UNC13D: variants seen among roughly 807,000 people sequenced by gnomAD.
The protein encoded by UNC13D is unc-13 homolog D.
A neutral mutation model predicts 151.7 loss-of-function variants in UNC13D; 115 were observed. The ratio of observed to expected loss-of-function variants is 0.76; its 90% CI spans 0.65 to 0.88. The LOEUF (loss-of-function observed/expected upper bound fraction) is 0.88. Ranked by LOEUF, UNC13D falls within the 40% of genes least tolerant of loss-of-function variation. The pLI, the probability that UNC13D is intolerant of heterozygous loss-of-function variation, is 0.00. For synonymous variants in UNC13D, 588 were observed against 612.2 expected, an observed-to-expected ratio of 0.96 and a Z score of 0.58; for missense variants, 1,369 against 1,438.7, an observed-to-expected ratio of 0.95 and a Z score of 0.78.
chr17:75,841,750 AT>A (rs1212805297), intron 6 of UNC13D, among the ~76,000 whole-genome samples: 3,608 of 111,250 alleles, frequency 0.032, 129 homozygotes, highest in African/African-American at 0.1. Flanking sequence ...GCCCCCACTA[AT>A]TTTTTTTTTT....
intron 12 of UNC13D, 88 bp from the exon 13 acceptor site, chr17:75,837,006 C>CCCTCCTCCAGCGCCCCTGGTGGAGAA (rs142821095): frequency 3.3e-6 from 4 of 1,211,570 alleles, no homozygotes; most frequent in Non-Finnish European, 4.8e-6. Flanking sequence ...GGAATCGCCT[C>CCCTCCTCCAGCGCCCCTGGTGGAGAA]CCATCCACCA....
intron 12 of UNC13D, among the ~76,000 whole-genome samples, chr17:75,838,278 G>C (rs538409072): frequency 2.0e-5 from 3 of 151,492 alleles, no homozygotes; most frequent in Admixed American, 2.0e-4. Context: ...GAGTGCAGTG[G>C]TGTGATCTCA....
At position 75,835,794 on chromosome 17, in the gene UNC13D, T is replaced by C; in HGVS notation, c.1597-17A>G. ...CTTGGCCACCTGCAAAGGAAAGGTG[T>C]GGAGGGCGGGGCCCACAGCTCTGTT... On this transcript the variant is annotated splice_polypyrimidine_tract_variant and intron_variant, in intron 18 of 31. Coordinates refer to ENST00000207549, the MANE Select transcript of UNC13D (RefSeq NM_199242.3). The C allele has an allele frequency of 6.2e-7, 1 of 1,613,904 alleles. No homozygotes were observed. Among genetic ancestry groups the C allele is most frequent in the Non-Finnish European group, 8.5e-7 (1 of 1,179,998 alleles).
rs746042735 is a variant in UNC13D, at chr17:75,839,886, A to T, written c.1008T>A (p.Phe336Leu). ...SLSPQAATVLFLHATQKDLSD... is the reference protein window; with the variant it reads ...SLSPQAATVLLLHATQKDLSD... ...ATAGGTCCTTCTGTGTGGCGTGCAG[A>T]AAGAGGACGGTGGCAGCCTGGGGAC... The change falls in exon 12 of 32, where the codon TTT (phenylalanine) becomes TTA (leucine). Residue 336 changes from phenylalanine (F) to leucine (L), a missense_variant. By Grantham distance (22) the Phe-to-Leu change is conservative (BLOSUM62 0). This residue lies in a region of UNC13D where 550 missense variants were observed against 609.0 expected (regional missense o/e 0.90). Coordinates refer to ENST00000207549, the MANE Select transcript of UNC13D (RefSeq NM_199242.3). 1.9e-6 allele frequency: 3 copies of T among 1,613,884 alleles called. No homozygotes were observed. The highest frequency in any genetic ancestry group is 2.5e-6 in the Non-Finnish European group (3 of 1,179,996).
rs2064949397 is a variant in UNC13D at position 75,841,499 on chromosome 17, T to C, written c.570-498A>G. On this transcript the variant is annotated intron_variant, in intron 6 of 31. Transcript: ENST00000207549. ...CTCTGTCACCCAGGCTGGAGTGCAG[T>C]GGCGTGATCTCGGCTCACTGCAACC... is the stretch of plus-strand genomic sequence containing the variant. Among the ~76,000 whole-genome samples, 4 of 136,400 alleles carry C rather than the reference T, an allele frequency of 2.9e-5. No individual in the cohort carries two copies. The South Asian group carries it at 9.6e-4, about 33-fold the overall frequency. 89.5% of individuals were successfully genotyped at this position (136,400 alleles called of 152,430 possible). A position where few individuals can be genotyped will look rare whatever the true frequency, so the allele number is the denominator to read the frequency against.
rs754802800 is a variant in UNC13D at position 75,829,734 on chromosome 17, G to A, written c.2954+294C>T. 327 of 382,786 alleles carry A rather than the reference G, an allele frequency of 8.5e-4. 1 individual carries two copies. Among genetic ancestry groups the A allele is most frequent in the Non-Finnish European group, 1.4e-3 (287 of 199,328 alleles). 23.7% of individuals were successfully genotyped at this position (382,786 alleles called of 1,614,324 possible). On this transcript the variant is annotated intron_variant, in intron 30 of 31. Coordinates refer to ENST00000207549, the MANE Select transcript of UNC13D (RefSeq NM_199242.3). ...GCCTCCCGAGTAGCTGAGAGTACAG[G>A]TACCCACCATCATGCCCGGCTAATT... is the stretch of plus-strand genomic sequence containing the variant.
In UNC13D at chr17:75,840,484, G is replaced by A; in HGVS notation, c.753+23C>T. ...CCCCCTCCCTCTGCCTCGCTCCTGG[G>A]CCCCTTTCCTCATCCTCCTCACCTG... On this transcript the variant is annotated intron_variant, in intron 9 of 31. Transcript: ENST00000207549. The surrounding 1 kb of genome is among the most constrained non-coding windows in gnomAD (Gnocchi z 4.6). 6.2e-7 allele frequency: 1 copy of A among 1,613,796 alleles called. No homozygotes were observed. Among genetic ancestry groups the A allele is most frequent in the Non-Finnish European group, 8.5e-7 (1 of 1,179,818 alleles).
At chr17:75,842,680 AC>A (rs1180261147) in intron 5 of UNC13D, 67 bp from the exon 6 acceptor site, 1 of 1,604,842 alleles carries the variant, frequency 6.2e-7, no homozygotes. Flanking sequence ...GGCCCTCATC[AC>A]CCCCGCCCGG....
Position 75,834,124 on chromosome 17 carries a change from T to G in UNC13D, c.2318A>C (p.Lys773Thr). 6.2e-7 allele frequency: 1 copy of G among 1,613,776 alleles called. No individual in the cohort carries two copies. Among genetic ancestry groups the G allele is most frequent in the Non-Finnish European group, 8.5e-7 (1 of 1,180,000 alleles). The change falls in exon 24 of 32, where the codon AAG becomes ACG. Residue 773 changes from lysine to threonine, a missense_variant. Lys to Thr is a moderately conservative substitution (Grantham distance 78). Transcript: ENST00000207549. The part of the protein sequence containing the change: ...LAEQLEVGIA[K>T]HIQKLVGVRE... ...GACGCCCACCAGTTTCTGGATGTGC[T>G]TGGCGATGCCCACCTCCAACTGGAG...
At chr17:75,836,506 C>A in intron 14 of UNC13D, 66 bp downstream of exon 14, 2 of 1,612,680 alleles carry the variant, frequency 1.2e-6, no homozygotes, top group Non-Finnish European at 1.7e-6. Context: ...TTCTCCCACT[C>A]CTGCAGGCAC....
intron 12 of UNC13D, among the ~76,000 whole-genome samples, chr17:75,837,856 G>A (rs969491656): frequency 2.0e-5 from 3 of 152,134 alleles, no homozygotes; most frequent in Non-Finnish European, 1.5e-5. Flanking sequence ...ATGGTTTGGG[G>A]GGATATCACA....
At chr17:75,839,219 A>G (rs888331739) in intron 12 of UNC13D, among the ~76,000 whole-genome samples, 5 of 151,786 alleles carry the variant, frequency 3.3e-5, no homozygotes, top group Non-Finnish European at 7.4e-5. Context: ...CTTGACCAAC[A>G]TGGAGAAACC....
chr17:75,837,369 A>AT (rs1192686633), intron 12 of UNC13D, among the ~76,000 whole-genome samples: 3 of 150,702 alleles, frequency 2.0e-5, no homozygotes, highest in Admixed American at 6.6e-5. Context: ...ACCAGCCAGG[A>AT]TTTTTTTTCT....
intron 25 of UNC13D, chr17:75,831,742 C>A: frequency 4.0e-6 from 1 of 248,264 alleles, no homozygotes; most frequent in Non-Finnish European, 8.1e-6. Context: ...GTGGGTGGAT[C>A]AGGAGGTCAA....
rs139282207 is a variant in UNC13D at position 75,835,416 on chromosome 17, A to T, written c.1841T>A (p.Met614Lys). ...ALARVQRAVQMDELVPLGELT... is the reference protein window; with the variant it reads ...ALARVQRAVQKDELVPLGELT... ...CCCTGGCCACGCCCCCACCTCATCC[A>T]TCTGCACAGCGCGCTGCACCCGCGC... is the stretch of plus-strand genomic sequence containing the variant. Residue 614 changes from methionine to lysine, a missense_variant, in exon 20 of 32, where the codon ATG becomes AAG. Physicochemically the swap from Met to Lys is moderately conservative, Grantham distance 95. Transcript: ENST00000207549. The T allele has an allele frequency of 3.7e-6, 6 of 1,611,938 alleles. No individual in the cohort carries two copies. Among genetic ancestry groups the T allele is most frequent in the Non-Finnish European group, 4.2e-6 (5 of 1,179,720 alleles).
Position 75,830,158 on chromosome 17 carries a change from A to G in UNC13D, c.2831-7T>C. 1 of 1,588,318 alleles carries G rather than the reference A, an allele frequency of 6.3e-7. No individual in the cohort carries two copies. Among genetic ancestry groups the G allele is most frequent in the Middle Eastern group, 1.7e-4 (1 of 5,986 alleles). ...ACAAAGGGGTCGCTGGAGCCTGGTA[A>G]GTGGCCGGGGAGTGTGCGTCAGCTG... On this transcript the variant is annotated splice_region_variant and splice_polypyrimidine_tract_variant and intron_variant, in intron 29 of 31. Transcript: ENST00000207549.
At position 75,828,026 on chromosome 17, in the gene UNC13D, A is replaced by G. The variant is rs2062135884; in HGVS notation, c.3212T>C (p.Val1071Ala). The G allele has an allele frequency of 6.3e-7, 1 of 1,590,148 alleles. No individual in the cohort carries two copies. The highest frequency in any genetic ancestry group is 8.6e-7 in the Non-Finnish European group (1 of 1,169,286). ...CTTGGCCCGGTGCCGCCGCAGCCTC[A>G]CAAAGACCTGGGCTTCTCGGTCACC... is the stretch of plus-strand genomic sequence containing the variant. ...RKGDREAQVFVRLRRHRAKQA... is the reference protein window; with the variant it reads ...RKGDREAQVFARLRRHRAKQA... Residue 1071 changes from valine to alanine, a missense_variant, in exon 32 of 32, where the codon GTG (valine) becomes GCG (alanine). By Grantham distance (64) the Val-to-Ala change is moderately conservative. This residue lies in a region of UNC13D where 807 missense variants were observed against 795.5 expected (regional missense o/e 1.01). Coordinates refer to ENST00000207549, the MANE Select transcript of UNC13D (RefSeq NM_199242.3).
chr17:75,833,981 T>A lies in UNC13D; in HGVS notation c.2367+94A>T. On this transcript the variant is annotated intron_variant, in intron 24 of 31. Transcript: ENST00000207549. This position sits in a 1 kb window ranked among gnomAD's most constrained non-coding sequence, Gnocchi z 4.0. ...GGGAGAGAACATGCTTTGCCTGGTC[T>A]GGGGGACTTATCTTTGACACCAAGG... 12 of 1,503,102 alleles carry A rather than the reference T, an allele frequency of 8.0e-6. No individual in the cohort carries two copies. The highest frequency in any genetic ancestry group is 1.1e-5 in the Non-Finnish European group (12 of 1,084,316). 93.1% of individuals were successfully genotyped at this position (1,503,102 alleles called of 1,614,324 possible).
At chr17:75,842,340 A>G in intron 6 of UNC13D, 93 bp downstream of exon 6, 1 of 1,515,212 alleles carries the variant, frequency 6.6e-7, no homozygotes. Context: ...CCCTCCCCTG[A>G]GCCAGGACGA....
Sources: gnomAD v4.1 joint callset for allele counts (sites outside exome capture counted in the v4.1 genomes callset) on GRCh38, gnomAD v4.1.1 for gene constraint, gnomAD v4.1.1 regional missense constraint, Gnocchi (gnomAD v3.1) non-coding constraint, MANE v1.5 for transcripts, NCBI Gene and HGNC (gene_info 2026-07-23, HGNC 2026-07-21) for gene names.